The following DIAPH3 variants were observed in gnomAD, a reference collection of about 807,000 sequenced individuals.
DIAPH3 encodes diaphanous related formin 3.
DIAPH3 carries 117 observed loss-of-function variants against 144.3 expected under a neutral mutation model. The observed-to-expected ratio is 0.81, with a 90% CI of 0.70 to 0.95. The LOEUF (loss-of-function observed/expected upper bound fraction) is 0.95, where lower values mean the gene tolerates loss of function less well. Among genes scored for constraint, DIAPH3 ranks in the 40% least tolerant of loss-of-function variants. The pLI, the probability that DIAPH3 is intolerant of heterozygous loss-of-function variation, is 0.00. For synonymous variants in DIAPH3, 519 were observed against 488.9 expected, an observed-to-expected ratio of 1.06 and a Z score of -0.81; for missense variants, 1,421 against 1,412.7, an observed-to-expected ratio of 1.01 and a Z score of -0.09.
At chr13:59,993,539 C>T (rs559158606) in intron 9 of DIAPH3, among the ~76,000 whole-genome samples, 5 of 151,130 alleles carry the variant, frequency 3.3e-5, no homozygotes, top group Non-Finnish European at 7.4e-5. Context: ...AGTAAGACAC[C>T]AACAGAATTC....
Position 60,028,737 on chromosome 13 carries a change from T to C in DIAPH3, c.627-12592A>G, listed in dbSNP as rs368992367. ...TTGATGTCTCAAATTGTGATACTCT[T>C]TTAAACATGTCAAACTTAACATGTT... On this transcript the variant is annotated intron_variant, in intron 5 of 27. Transcript: ENST00000400324. Among the ~76,000 whole-genome samples the C allele has an allele frequency of 3.3e-3, 500 of 152,258 alleles. 2 individuals carry two copies. Among genetic ancestry groups the C allele is most frequent in the African/African-American group, 0.011 (460 of 41,546 alleles).
chr13:59,826,249 T>G (rs2041411498), intron 24 of DIAPH3, among the ~76,000 whole-genome samples: 1 of 110,740 alleles, frequency 9.0e-6, no homozygotes, highest in South Asian at 3.1e-4. Context: ...TTGTCCCTGT[T>G]TGCAGATGAC....
intron 25 of DIAPH3, among the ~76,000 whole-genome samples, chr13:59,798,142 C>T (rs2039710874): frequency 6.6e-6 from 1 of 152,108 alleles, no homozygotes; most frequent in Non-Finnish European, 1.5e-5. Flanking sequence ...CTTTCAAATC[C>T]ATCCTGTCTT....
chr13:59,935,662 T>G (rs2048229372), intron 17 of DIAPH3, among the ~76,000 whole-genome samples: 1 of 152,198 alleles, frequency 6.6e-6, no homozygotes, highest in Admixed American at 6.5e-5. Flanking sequence ...ATAAATCACT[T>G]TAGTCATATC....
chr13:60,045,472 T>A (rs2056009325), intron 4 of DIAPH3, among the ~76,000 whole-genome samples: 1 of 152,258 alleles, frequency 6.6e-6, no homozygotes, highest in Non-Finnish European at 1.5e-5. Context: ...TTCTATAGGC[T>A]ATTATCTTTA....
chr13:59,855,644 C>T (rs1055027115), intron 22 of DIAPH3, among the ~76,000 whole-genome samples: 1 of 151,280 alleles, frequency 6.6e-6, no homozygotes, highest in Non-Finnish European at 1.5e-5. Flanking sequence ...GCTGGCTTTA[C>T]GAACATAGGT....
At chr13:59,980,231 T>C (rs187544486) in intron 14 of DIAPH3, among the ~76,000 whole-genome samples, 1 of 151,718 alleles carries the variant, frequency 6.6e-6, no homozygotes, top group African/African-American at 2.4e-5. Context: ...AAAATGGCAA[T>C]TTTATAAAGT....
chr13:60,015,942 G>C lies in DIAPH3; in HGVS notation c.742C>G (p.Gln248Glu), dbSNP rs2140986840. 1 of 1,613,242 alleles carries C rather than the reference G, an allele frequency of 6.2e-7. No homozygotes were observed. The highest frequency in any genetic ancestry group is 2.2e-5 in the East Asian group (1 of 44,788). Residue 248 changes from glutamine to glutamate, a missense_variant, in exon 7 of 28, where the codon CAG (glutamine) becomes GAG (glutamate). Coordinates refer to ENST00000400324, the MANE Select transcript of DIAPH3 (RefSeq NM_001042517.2). ...VVKKNQHKVI[Q>E]CLKALMNTQY... ...GTATTCATCAGGGCTTTTAGACACTGTATGACTTTATGTTGATTTTTCTTT... is the reference window on the plus strand; with the variant it reads ...GTATTCATCAGGGCTTTTAGACACTCTATGACTTTATGTTGATTTTTCTTT...
intron 1 of DIAPH3, among the ~76,000 whole-genome samples, chr13:60,136,358 G>A (rs2059274529): frequency 6.6e-6 from 1 of 151,204 alleles, no homozygotes; most frequent in Non-Finnish European, 1.5e-5. Context: ...TAGCCACCGT[G>A]GACATCTACT....
At position 59,992,703 on chromosome 13, in the gene DIAPH3, T is replaced by C. The variant is rs1334724851; in HGVS notation, c.1015-120A>G. 4 of 785,764 alleles carry C rather than the reference T, an allele frequency of 5.1e-6. No homozygotes were observed. The East Asian group carries it at 8.0e-5, about 16-fold the overall frequency. 48.7% of individuals were successfully genotyped at this position (785,764 alleles called of 1,614,324 possible). A position where few individuals can be genotyped will look rare whatever the true frequency, so the allele number is the denominator to read the frequency against. ...ATATCTTTCCTATTAAAACAATTTG[T>C]AAGCAAAATATTTCAGTCAGTTATA... On this transcript the variant is annotated intron_variant, in intron 9 of 27. Transcript: ENST00000400324.
chr13:59,700,565 G>A (rs189509409), intron 27 of DIAPH3, among the ~76,000 whole-genome samples: 115 of 152,240 alleles, frequency 7.6e-4, no homozygotes, highest in Middle Eastern at 3.4e-3. Context: ...TGGGTATGAC[G>A]TAACTTGTGG....
chr13:59,857,169 A>G (rs2043305472), intron 22 of DIAPH3, among the ~76,000 whole-genome samples: 1 of 152,190 alleles, frequency 6.6e-6, no homozygotes, highest in African/African-American at 2.4e-5. Context: ...CTATAGCAAC[A>G]AAGAGGTTAA....
At chr13:59,880,364 T>C (rs1421859625) in intron 20 of DIAPH3, among the ~76,000 whole-genome samples, 1 of 152,148 alleles carries the variant, frequency 6.6e-6, no homozygotes, top group African/African-American at 2.4e-5. Flanking sequence ...ATAGTAAAAT[T>C]GTTGAACTTC....
chr13:59,911,658 T>C, intron 20 of DIAPH3, 77 bp downstream of exon 20: 1 of 1,080,024 alleles, frequency 9.3e-7, no homozygotes, highest in Non-Finnish European at 1.4e-6. Context: ...CTTTTTTACA[T>C]TTAGCGATAT....
At chr13:60,034,275 C>A (rs1482043617) in intron 5 of DIAPH3, among the ~76,000 whole-genome samples, 1 of 152,118 alleles carries the variant, frequency 6.6e-6, no homozygotes, top group Admixed American at 6.5e-5. Flanking sequence ...AGAAAACAGG[C>A]ATTAACAATT....
At chr13:59,920,978 G>T (rs1012842552) in intron 18 of DIAPH3, among the ~76,000 whole-genome samples, 1 of 151,438 alleles carries the variant, frequency 6.6e-6, no homozygotes, top group East Asian at 1.9e-4. Flanking sequence ...TAAACAACAT[G>T]CTTCTAAATA....
intron 22 of DIAPH3, among the ~76,000 whole-genome samples, chr13:59,847,394 C>T (rs1274369491): frequency 6.6e-6 from 1 of 152,134 alleles, no homozygotes; most frequent in African/African-American, 2.4e-5. Context: ...GGCCCCCAGT[C>T]AATTCTGTTG....
intron 22 of DIAPH3, among the ~76,000 whole-genome samples, chr13:59,860,796 ATTATAT>A (rs996716863): frequency 6.6e-6 from 1 of 152,144 alleles, no homozygotes; most frequent in African/African-American, 2.4e-5. Flanking sequence ...TAGTCAAAAA[ATTATAT>A]TTAAATCATA....
intron 27 of DIAPH3, among the ~76,000 whole-genome samples, chr13:59,710,752 T>C (rs2034690966): frequency 6.6e-6 from 1 of 152,258 alleles, no homozygotes; most frequent in Non-Finnish European, 1.5e-5. Context: ...TGGCTATTAC[T>C]GCCTTTGTAT....
Sources: allele counts gnomAD v4.1 joint callset (sites outside exome capture counted in the v4.1 genomes callset), GRCh38; gene constraint gnomAD v4.1.1; transcripts MANE v1.5; gene names NCBI Gene and HGNC (gene_info 2026-07-23, HGNC 2026-07-21).